The following VTI1A variants were observed in gnomAD, a reference collection of about 807,000 sequenced individuals.
The protein encoded by VTI1A is vesicle transport through interaction with t-SNAREs homolog 1A.
VTI1A carries 22 observed loss-of-function variants against 34.9 expected under a neutral mutation model. That is an observed-to-expected ratio of 0.63 (90% CI 0.45 to 0.90). The LOEUF (loss-of-function observed/expected upper bound fraction) is 0.90, where lower values mean the gene tolerates loss of function less well. Ranked by LOEUF, VTI1A falls within the 40% of genes least tolerant of loss-of-function variation. The pLI is 0.00. For synonymous variants in VTI1A, 87 were observed against 97.3 expected, an observed-to-expected ratio of 0.89 and a Z score of 0.62; for missense variants, 268 against 275.6, an observed-to-expected ratio of 0.97 and a Z score of 0.20.
chr10:112,651,165 C>A (rs1360006211), intron 5 of VTI1A, among the ~76,000 whole-genome samples: 2 of 152,190 alleles, frequency 1.3e-5, no homozygotes, highest in African/African-American at 4.8e-5. Flanking sequence ...GCAAGGGGAG[C>A]ATTCCTGTCT....
rs778802494 is a variant in VTI1A at position 112,736,111 on chromosome 10, G to GTGTGTATATATATATA, written c.560+67114_560+67115insGTGTATATATATATAT. Among the ~76,000 whole-genome samples the GTGTGTATATATATATA allele has an allele frequency of 4.0e-4, 47 of 116,194 alleles. 1 individual carries two copies. Among genetic ancestry groups the GTGTGTATATATATATA allele is most frequent in the African/African-American group, 1.6e-3 (43 of 26,744 alleles). The allele number at this position is 116,194 out of a possible 152,430, so 76.2% of individuals were successfully genotyped here. On this transcript the variant is annotated intron_variant, in intron 7 of 7. Coordinates refer to ENST00000393077, the MANE Select transcript of VTI1A (RefSeq NM_145206.4). ...ATATTTTACATATATATGTGTGTGT[G>GTGTGTATATATATATA]TATATATATATATATATATATATAT...
chr10:112,493,293 TTTTGTATATTCATCTTG>T (rs778742985), intron 3 of VTI1A, among the ~76,000 whole-genome samples: 207 of 152,248 alleles, frequency 1.4e-3, no homozygotes, highest in Non-Finnish European at 2.1e-3. Context: ...TACAATTGAT[TTTTGTATATTCATCTTG>T]TATCCTGCAA....
chr10:112,508,950 GA>G (rs1220496717), intron 3 of VTI1A, among the ~76,000 whole-genome samples: 1 of 152,162 alleles, frequency 6.6e-6, no homozygotes, highest in East Asian at 1.9e-4. Context: ...AGACAAACGT[GA>G]GTCACAAGAG....
At chr10:112,504,207 A>G (rs189732424) in intron 3 of VTI1A, among the ~76,000 whole-genome samples, 2 of 152,294 alleles carry the variant, frequency 1.3e-5, no homozygotes, top group Admixed American at 6.5e-5. Context: ...AAAGATGTAT[A>G]AGGAAAACTC....
intron 3 of VTI1A, among the ~76,000 whole-genome samples, chr10:112,502,650 C>A (rs1466826417): frequency 6.6e-6 from 1 of 152,164 alleles, no homozygotes; most frequent in Non-Finnish European, 1.5e-5. Context: ...CATCTCTCTT[C>A]ATTTTCTTCC....
At chr10:112,631,993 G>A (rs571585744) in intron 5 of VTI1A, among the ~76,000 whole-genome samples, 34 of 152,136 alleles carry the variant, frequency 2.2e-4, no homozygotes, top group African/African-American at 6.7e-4. Context: ...CCACAATATG[G>A]TAATTATAAC....
chr10:112,628,271 A>G (rs951591139), intron 5 of VTI1A, among the ~76,000 whole-genome samples: 4 of 152,172 alleles, frequency 2.6e-5, no homozygotes, highest in East Asian at 1.9e-4. Flanking sequence ...CAATGCTGCA[A>G]TGAAATCTTA....
chr10:112,548,797 A>AT, intron 5 of VTI1A: 1 of 1,497,920 alleles, frequency 6.7e-7, no homozygotes, highest in Non-Finnish European at 9.0e-7. Context: ...GCCAGGAACC[A>AT]TACCAACAAT....
intron 7 of VTI1A, among the ~76,000 whole-genome samples, chr10:112,781,920 GCCT>G (rs1852142837): frequency 1.3e-5 from 2 of 152,136 alleles, no homozygotes; most frequent in South Asian, 4.2e-4. Context: ...GCCCAATTCT[GCCT>G]CCTCCTCCAT....
At chr10:112,793,168 A>G (rs139575018) in intron 7 of VTI1A, among the ~76,000 whole-genome samples, 73 of 152,346 alleles carry the variant, frequency 4.8e-4, no homozygotes, top group African/African-American at 1.6e-3. Context: ...ATTATTTCAG[A>G]CAGCGTTAGG....
At chr10:112,483,305 G>T (rs75661007) in intron 3 of VTI1A, among the ~76,000 whole-genome samples, 7,261 of 152,174 alleles carry the variant, frequency 0.048, 316 homozygotes, top group African/African-American at 0.12. Context: ...CTGCTCAGCT[G>T]CAGGGTTGTC....
At chr10:112,731,001 A>G (rs1367328306) in intron 7 of VTI1A, among the ~76,000 whole-genome samples, 1 of 152,090 alleles carries the variant, frequency 6.6e-6, no homozygotes, top group Non-Finnish European at 1.5e-5. Context: ...TTTCCATTTG[A>G]TTATATATAT....
rs74786657 is a variant in VTI1A at position 112,767,859 on chromosome 10, C to T, written c.561-47431C>T. On this transcript the variant is annotated intron_variant, in intron 7 of 7. Transcript: ENST00000393077. The surrounding 1 kb of genome is among the most constrained non-coding windows in gnomAD (Gnocchi z 4.0). ...GGCCAAAATGTTCTGGGCCCTTCAC[C>T]TCTTCCTAGGACCAGTCTTGTCATC... Among the ~76,000 whole-genome samples, 1,171 of 152,310 alleles carry T rather than the reference C, an allele frequency of 7.7e-3. 15 individuals carry two copies. Among genetic ancestry groups the T allele is most frequent in the African/African-American group, 0.026 (1,093 of 41,556 alleles).
At chr10:112,601,691 A>G (rs1844885838) in intron 5 of VTI1A, among the ~76,000 whole-genome samples, 1 of 152,190 alleles carries the variant, frequency 6.6e-6, no homozygotes, top group Non-Finnish European at 1.5e-5. Context: ...CCATCATGAA[A>G]CAAAGATTCT....
intron 5 of VTI1A, among the ~76,000 whole-genome samples, chr10:112,582,266 G>A (rs1344623773): frequency 1.3e-5 from 2 of 152,056 alleles, no homozygotes; most frequent in African/African-American, 2.4e-5. Context: ...TGCAGACCTC[G>A]ATCCCATGAC....
At chr10:112,572,708 G>C (rs1852181811) in intron 5 of VTI1A, among the ~76,000 whole-genome samples, 1 of 150,654 alleles carries the variant, frequency 6.6e-6, no homozygotes, top group Non-Finnish European at 1.5e-5. Flanking sequence ...CGCGGTGGCG[G>C]GCGCCTGTAG....
chr10:112,735,848 G>A (rs1463905090), intron 7 of VTI1A, among the ~76,000 whole-genome samples: 2 of 151,564 alleles, frequency 1.3e-5, no homozygotes, highest in East Asian at 3.9e-4. Flanking sequence ...CACTCCAAGT[G>A]CCACAAGACC....
chr10:112,574,172 G>A (rs1852246495), intron 5 of VTI1A, among the ~76,000 whole-genome samples: 1 of 152,206 alleles, frequency 6.6e-6, no homozygotes, highest in Non-Finnish European at 1.5e-5. Flanking sequence ...AAATAAGTTT[G>A]AGGAGTGGCA....
chr10:112,815,842 G>A lies in VTI1A; in HGVS notation c.*459G>A, dbSNP rs193218273. 2.3e-4 allele frequency: 56 copies of A among 248,456 alleles called. No individual in the cohort carries two copies. Among genetic ancestry groups the A allele is most frequent in the South Asian group, 1.5e-3 (11 of 7,104 alleles). 15.4% of individuals were successfully genotyped at this position (248,456 alleles called of 1,614,324 possible). ...AGCAGGGGATGGAGTCAGTGACCCC[G>A]TCCAGCAAGCCAGCCCTGTTCCTAC... On this transcript the variant is annotated 3_prime_UTR_variant, in exon 8 of 8. Coordinates refer to ENST00000393077, the MANE Select transcript of VTI1A (RefSeq NM_145206.4).
Sources: allele counts gnomAD v4.1 joint callset (sites outside exome capture counted in the v4.1 genomes callset), GRCh38; gene constraint gnomAD v4.1.1; non-coding constraint Gnocchi (gnomAD v3.1); transcripts MANE v1.5; gene names NCBI Gene and HGNC (gene_info 2026-07-23, HGNC 2026-07-21).